Variants in ETF1 observed in about 807,000 individuals in gnomAD.
ETF1 encodes the protein eukaryotic peptide chain release factor subunit 1.
In ETF1, 4 loss-of-function variants were observed where a neutral mutation model predicts 55.1. The observed-to-expected ratio is 0.07, with a 90% CI of 0.04 to 0.17. The LOEUF (loss-of-function observed/expected upper bound fraction) is 0.17, where lower values mean the gene tolerates loss of function less well. Ranked by LOEUF, ETF1 falls within the 10% of genes least tolerant of loss-of-function variation. The pLI is 1.00. For missense variants in ETF1, 142 were observed against 523.6 expected (o/e 0.27, Z 7.11); for synonymous variants, 157 against 182.3 (o/e 0.86, Z 1.12).
At position 138,543,235 on chromosome 5, in the gene ETF1, A is replaced by G. The variant is rs1339351267; in HGVS notation, c.-157T>C. 1 of 427,428 alleles carries G rather than the reference A, an allele frequency of 2.3e-6. No individual in the cohort carries two copies. Among genetic ancestry groups the G allele is most frequent in the Non-Finnish European group, 4.2e-6 (1 of 240,590 alleles). The allele number at this position is 427,428 out of a possible 1,614,324, so 26.5% of individuals were successfully genotyped here. ...GCAATCCGCTCACATGGGGCCTGTG[A>G]CATCACTTCCTCCGCCAGGGGCGGA... On this transcript the variant is annotated 5_prime_UTR_variant, in exon 1 of 11. Transcript: ENST00000360541.
intron 2 of ETF1, among the ~76,000 whole-genome samples, chr5:138,519,764 C>T (rs1765162133): frequency 6.6e-6 from 1 of 152,062 alleles, no homozygotes; most frequent in Non-Finnish European, 1.5e-5. Flanking sequence ...TGACTGACAG[C>T]CTGATAAATT....
chr5:138,524,554 T>TAAAAAA (rs759157222), intron 2 of ETF1, among the ~76,000 whole-genome samples: 1 of 138,042 alleles, frequency 7.2e-6, no homozygotes, highest in Non-Finnish European at 1.6e-5. Context: ...CTGTGTCTCT[T>TAAAAAA]AAAAAAAAAA....
intron 3 of ETF1, among the ~76,000 whole-genome samples, chr5:138,518,107 C>CG (rs1398077944): frequency 1.4e-5 from 2 of 146,576 alleles, no homozygotes; most frequent in African/African-American, 5.1e-5. Flanking sequence ...GAGGCTGAGA[C>CG]GGAAGAATCA....
intron 9 of ETF1, among the ~76,000 whole-genome samples, chr5:138,509,711 A>G (rs776017386): frequency 6.6e-6 from 1 of 152,060 alleles, no homozygotes; most frequent in African/African-American, 2.4e-5. Context: ...CCTGGCCAAC[A>G]TGATGAAACC....
chr5:138,518,549 A>G, intron 3 of ETF1, 143 bp downstream of exon 3: 1 of 697,580 alleles, frequency 1.4e-6, no homozygotes, highest in Non-Finnish European at 2.4e-6. Context: ...AAAACAAAAC[A>G]AAAAAGCTAA....
intron 2 of ETF1, among the ~76,000 whole-genome samples, chr5:138,533,474 T>C (rs1204174270): frequency 6.6e-6 from 1 of 151,828 alleles, no homozygotes; most frequent in East Asian, 2.0e-4. Context: ...GATCACGAGG[T>C]CAAGAGATCG....
intron 2 of ETF1, chr5:138,542,515 G>C (rs1426057253): frequency 1.3e-6 from 1 of 779,866 alleles, no homozygotes; most frequent in East Asian, 4.3e-5. Context: ...TCGGGTGGCA[G>C]CACCTGGAGC....
chr5:138,541,424 C>T, intron 2 of ETF1: 2 of 825,498 alleles, frequency 2.4e-6, no homozygotes, highest in Non-Finnish European at 3.9e-6. Flanking sequence ...GGAGTGAGCA[C>T]AAGCCCGTCA....
intron 2 of ETF1, among the ~76,000 whole-genome samples, chr5:138,539,385 GTTT>G (rs35614099): frequency 6.6e-6 from 1 of 152,188 alleles, no homozygotes; most frequent in Non-Finnish European, 1.5e-5. Flanking sequence ...ACGTTGACCT[GTTT>G]TAGTTCCTTA....
chr5:138,523,235 T>C lies in ETF1; in HGVS notation c.87-4368A>G, dbSNP rs567046824. Among the ~76,000 whole-genome samples the C allele has an allele frequency of 3.8e-3, 569 of 151,078 alleles. 7 individuals are homozygous for C. Among genetic ancestry groups the C allele is most frequent in the African/African-American group, 0.013 (523 of 41,054 alleles). On this transcript the variant is annotated intron_variant, in intron 2 of 10. Transcript: ENST00000360541. ...TACAAAAATTAGCCGGGCGTGGTGGTGTGTGCCTGTAATCTCAGCTACTCA... is the reference window on the plus strand; with the variant it reads ...TACAAAAATTAGCCGGGCGTGGTGGCGTGTGCCTGTAATCTCAGCTACTCA...
At chr5:138,534,698 G>A (rs1205032797) in intron 2 of ETF1, among the ~76,000 whole-genome samples, 3 of 152,228 alleles carry the variant, frequency 2.0e-5, no homozygotes, top group Non-Finnish European at 2.9e-5. Flanking sequence ...AATGGGAGAC[G>A]TCTCTATTCA....
intron 2 of ETF1, among the ~76,000 whole-genome samples, chr5:138,523,963 G>A (rs1183990978): frequency 6.6e-6 from 1 of 152,010 alleles, no homozygotes; most frequent in Non-Finnish European, 1.5e-5. Context: ...GATCACTTGA[G>A]GCCAGGGGTT....
In ETF1 at chr5:138,542,944, G is replaced by T. The variant is rs1427417213; in HGVS notation, c.-18-8C>A. 6.2e-7 allele frequency: 1 copy of T among 1,611,378 alleles called. No homozygotes were observed. The highest frequency in any genetic ancestry group is 1.7e-4 in the Middle Eastern group (1 of 6,040). ...CTTCTCGCCTCCTCCTCCCTAGAGC[G>T]GCCCGGCGGGGCCCGGAGACACCAA... On this transcript the variant is annotated splice_region_variant and splice_polypyrimidine_tract_variant and intron_variant, in intron 1 of 10. Transcript: ENST00000360541.
chr5:138,512,196 T>A (rs1312684661), intron 6 of ETF1, among the ~76,000 whole-genome samples: 2 of 4,124 alleles, frequency 4.8e-4, no homozygotes, highest in Non-Finnish European at 4.1e-4. Flanking sequence ...AGACCCAGTC[T>A]CAAAAAAAAA....
At chr5:138,525,943 T>TTA (rs1304504261) in intron 2 of ETF1, among the ~76,000 whole-genome samples, 2,477 of 133,812 alleles carry the variant, frequency 0.019, 73 homozygotes, top group African/African-American at 0.064. Flanking sequence ...AGACTCTGTT[T>TTA]AAAAAAAAAA....
chr5:138,541,396 T>C, intron 2 of ETF1: 1 of 655,296 alleles, frequency 1.5e-6, no homozygotes, highest in Non-Finnish European at 2.7e-6. Flanking sequence ...TAAACTAACG[T>C]TTCTCCAGTA....
chr5:138,523,390 C>T (rs1448297349), intron 2 of ETF1, among the ~76,000 whole-genome samples: 4 of 151,342 alleles, frequency 2.6e-5, no homozygotes, highest in African/African-American at 7.3e-5. Flanking sequence ...AAAAATTAGC[C>T]GAGCGTGGTG....
rs1764554065 is a variant in ETF1, at chr5:138,506,245, T to TACATATCAATATATATTGATAC, written c.*2038_*2059dup. 6.6e-6 allele frequency: 1 copy of TACATATCAATATATATTGATAC among 152,642 alleles called. No individual in the cohort carries two copies. Among genetic ancestry groups the TACATATCAATATATATTGATAC allele is most frequent in the Admixed American group, 6.5e-5 (1 of 15,272 alleles). 9.5% of individuals were successfully genotyped at this position (152,642 alleles called of 1,614,324 possible). ...TATGTGTTTGTATGTGTAAGTGTAA[T>TACATATCAATATATATTGATAC]ACATATCAATATATATTGATACACA... On this transcript the variant is annotated 3_prime_UTR_variant, in exon 11 of 11. Coordinates refer to ENST00000360541, the MANE Select transcript of ETF1 (RefSeq NM_004730.4).
intron 2 of ETF1, among the ~76,000 whole-genome samples, chr5:138,536,324 T>C (rs1166421808): frequency 2.0e-5 from 3 of 152,210 alleles, no homozygotes; most frequent in Admixed American, 6.5e-5. Context: ...TAAGAACCAG[T>C]TGCCAGGCAC....
Sources: allele counts gnomAD v4.1 joint callset (sites outside exome capture counted in the v4.1 genomes callset), GRCh38; gene constraint gnomAD v4.1.1; transcripts MANE v1.5; gene names NCBI Gene and HGNC (gene_info 2026-07-23, HGNC 2026-07-21).